ULK4: variants seen among roughly 807,000 people sequenced by gnomAD.
The protein encoded by ULK4 is inactive serine/threonine-protein kinase ULK4.
In ULK4, 133 loss-of-function variants were observed where a neutral mutation model predicts 160.6. That is an observed-to-expected ratio of 0.83 (90% CI 0.72 to 0.96). The LOEUF is 0.96. ULK4 is among the 40% of genes least tolerant of loss of function. The probability of loss-of-function intolerance (pLI) is 0.00; values close to 1 mark genes in which losing one functional copy is unlikely to be tolerated. For missense variants in ULK4, 1,580 were observed against 1,499.5 expected (o/e 1.05, Z -0.89); for synonymous variants, 534 against 539.8 (o/e 0.99, Z 0.15).
At chr3:41,765,311 G>A in intron 21 of ULK4, among the ~76,000 whole-genome samples, 1 of 152,000 alleles carries the variant, frequency 6.6e-6, no homozygotes, top group Non-Finnish European at 1.5e-5. Flanking sequence ...CACAAGGACA[G>A]AAAACCAAAC....
chr3:41,431,630 A>G lies in ULK4; in HGVS notation c.3492+23867T>C, dbSNP rs181171640. On this transcript the variant is annotated intron_variant, in intron 34 of 36. Coordinates refer to ENST00000301831, the MANE Select transcript of ULK4 (RefSeq NM_017886.4). ...TCTGTTAATCAGTAAAGCCTACTCA[A>G]CCACACTTAAACAAACGGGTGTTCA... Among the ~76,000 whole-genome samples the G allele has an allele frequency of 2.5e-3, 368 of 144,766 alleles. 1 individual carries two copies. The highest frequency in any genetic ancestry group is 0.017 in the South Asian group (78 of 4,582). The allele number at this position is 144,766 out of a possible 152,430, so 95.0% of individuals were successfully genotyped here.
rs74791999 is a variant in ULK4 at position 41,626,254 on chromosome 3, C to T, written c.3072-10537G>A. Among the ~76,000 whole-genome samples the T allele has an allele frequency of 3.7e-3, 564 of 152,156 alleles. 2 individuals are homozygous for T. Among genetic ancestry groups the T allele is most frequent in the African/African-American group, 0.013 (545 of 41,500 alleles). On this transcript the variant is annotated intron_variant, in intron 30 of 36. Coordinates refer to ENST00000301831, the MANE Select transcript of ULK4 (RefSeq NM_017886.4). ...ACTCCCTCCTGTGCCTAAATGTTAC[C>T]CTTAATGTTGGAAAAAAATTTTTTA...
chr3:41,492,163 G>C (rs1008873901), intron 32 of ULK4, among the ~76,000 whole-genome samples: 127 of 150,744 alleles, frequency 8.4e-4, no homozygotes, highest in Non-Finnish European at 2.4e-4. Flanking sequence ...CCAAGTCTTT[G>C]CTATTGTGAA....
intron 17 of ULK4, among the ~76,000 whole-genome samples, chr3:41,881,870 A>G (rs1213464825): frequency 6.6e-6 from 1 of 152,226 alleles, no homozygotes; most frequent in African/African-American, 2.4e-5. Context: ...AACAAAGTAC[A>G]ACAACTGGAG....
At chr3:41,767,873 T>A (rs749394735) in intron 21 of ULK4, among the ~76,000 whole-genome samples, 6 of 152,098 alleles carry the variant, frequency 3.9e-5, no homozygotes, top group Non-Finnish European at 8.8e-5. Context: ...GATGAACAAA[T>A]GAGCTTATGT....
chr3:41,374,328 C>T (rs953545776), intron 35 of ULK4, among the ~76,000 whole-genome samples: 7 of 152,056 alleles, frequency 4.6e-5, no homozygotes, highest in Non-Finnish European at 8.8e-5. Context: ...GGCAGAGACA[C>T]AACAAAAAGA....
chr3:41,924,366 C>T (rs536734206), intron 5 of ULK4, among the ~76,000 whole-genome samples: 7 of 152,306 alleles, frequency 4.6e-5, no homozygotes, highest in Middle Eastern at 3.4e-3. Context: ...ATGAAGTACA[C>T]GATCCCAAAA....
chr3:41,514,050 A>G (rs964839109), intron 32 of ULK4, among the ~76,000 whole-genome samples: 23 of 152,160 alleles, frequency 1.5e-4, no homozygotes, highest in African/African-American at 5.1e-4. Context: ...AGAAGTGAAA[A>G]TTTTTCTTGC....
chr3:41,478,344 T>C (rs2084207548), intron 32 of ULK4, among the ~76,000 whole-genome samples: 1 of 148,002 alleles, frequency 6.8e-6, no homozygotes, highest in African/African-American at 2.6e-5. Context: ...CAAAATGTTT[T>C]CTTTCAAAAA....
At chr3:41,591,712 C>T (rs896672032) in intron 31 of ULK4, among the ~76,000 whole-genome samples, 1 of 151,970 alleles carries the variant, frequency 6.6e-6, no homozygotes, top group African/African-American at 2.4e-5. Context: ...AACGTATGAT[C>T]AGATTCACAA....
rs199943187 is a variant in ULK4 at position 41,249,536 on chromosome 3, A to G, written c.3717T>C (p.Asn1239=). 13 of 1,613,994 alleles carry G rather than the reference A, an allele frequency of 8.1e-6. No homozygotes were observed. Among genetic ancestry groups the G allele is most frequent in the African/African-American group, 1.3e-5 (1 of 74,932 alleles). ...CCAGAGCCCGCAGGAGGCTGCCTGCATTCTTGAGGCTCTCCAAGTGCTTCT... is the reference window on the plus strand; with the variant it reads ...CCAGAGCCCGCAGGAGGCTGCCTGCGTTCTTGAGGCTCTCCAAGTGCTTCT... ...SNEKHLESLK[N]AGSLLRALER... Residue 1239 remains asparagine, a synonymous_variant, in exon 36 of 37, where the codon AAT becomes AAC. Transcript: ENST00000301831.
In ULK4 at chr3:41,301,967, A is replaced by G. The variant is rs557021174; in HGVS notation, c.3679-52393T>C. 2.1e-4 allele frequency among the ~76,000 whole-genome samples: 32 copies of G among 152,350 alleles called. No homozygotes were observed. The East Asian group carries it at 6.2e-3, about 29-fold the overall frequency. Reference sequence around the variant, plus strand: ...TAACAGAGGTCCAGACCTAACTGATACTGAATGGTAAGAGTCAGAACAAGA... The same window carrying G: ...TAACAGAGGTCCAGACCTAACTGATGCTGAATGGTAAGAGTCAGAACAAGA... On this transcript the variant is annotated intron_variant, in intron 35 of 36. Transcript: ENST00000301831.
intron 17 of ULK4, among the ~76,000 whole-genome samples, chr3:41,848,938 G>A (rs1044537620): frequency 1.3e-5 from 2 of 152,170 alleles, no homozygotes; most frequent in African/African-American, 4.8e-5. Context: ...GCAGGGCCAT[G>A]TGACTAGTTC....
chr3:41,385,403 T>A lies in ULK4; in HGVS notation c.3678+12676A>T, dbSNP rs571504219. On this transcript the variant is annotated intron_variant, in intron 35 of 36. Coordinates refer to ENST00000301831, the MANE Select transcript of ULK4 (RefSeq NM_017886.4). ...GATTACAGGAAGGGAGTAGGGGAGC[T>A]GAATCTCTTGAGAAAAGAAATCAAA... 2.1e-3 allele frequency among the ~76,000 whole-genome samples: 326 copies of A among 152,070 alleles called. 2 individuals are homozygous for A. Among genetic ancestry groups the A allele is most frequent in the Non-Finnish European group, 3.9e-3 (268 of 68,004 alleles).
At chr3:41,870,825 A>G (rs59927552) in intron 17 of ULK4, among the ~76,000 whole-genome samples, 9,049 of 152,122 alleles carry the variant, frequency 0.059, 853 homozygotes, top group African/African-American at 0.21. Context: ...CCTGGCAACC[A>G]CTGTGATATA....
intron 32 of ULK4, among the ~76,000 whole-genome samples, chr3:41,464,017 A>T (rs1440462070): frequency 6.6e-6 from 1 of 152,080 alleles, no homozygotes; most frequent in Non-Finnish European, 1.5e-5. Context: ...AAAAAAAAAA[A>T]AAAAGTGAAT....
chr3:41,854,268 A>T (rs1175491791), intron 17 of ULK4: 1 of 152,232 alleles, frequency 6.6e-6, no homozygotes, highest in Non-Finnish European at 1.5e-5. Flanking sequence ...CCCTTAAACC[A>T]TCCCTCTTAC....
chr3:41,368,052 T>C (rs1373077486), intron 35 of ULK4, among the ~76,000 whole-genome samples: 1 of 142,448 alleles, frequency 7.0e-6, no homozygotes, highest in East Asian at 2.0e-4. Flanking sequence ...TGTGTCGCAA[T>C]TTTTTTTTTT....
At chr3:41,862,802 T>TC (rs1382687723) in intron 17 of ULK4, among the ~76,000 whole-genome samples, 2 of 139,296 alleles carry the variant, frequency 1.4e-5, no homozygotes, top group Non-Finnish European at 3.2e-5. Context: ...CCCCCCCCTT[T>TC]CTCTCTCTCT....
Sources: allele counts gnomAD v4.1 joint callset (sites outside exome capture counted in the v4.1 genomes callset), GRCh38; gene constraint gnomAD v4.1.1; transcripts MANE v1.5; gene names NCBI Gene and HGNC (gene_info 2026-07-23, HGNC 2026-07-21).